CDH12: variants seen among roughly 807,000 people sequenced by gnomAD.
CDH12 encodes the protein cadherin 12.
In CDH12, 41 loss-of-function variants were observed where a neutral mutation model predicts 74.1. The ratio of observed to expected loss-of-function variants is 0.55; its 90% confidence interval spans 0.43 to 0.72. The LOEUF (loss-of-function observed/expected upper bound fraction) is 0.72, where lower values mean the gene tolerates loss of function less well. Among genes scored for constraint, CDH12 ranks in the 30% least tolerant of loss-of-function variants. CDH12 has a pLI of 0.00. For synonymous variants in CDH12, 399 were observed against 355.0 expected, an observed-to-expected ratio of 1.12 and a Z score of -1.39; for missense variants, 945 against 977.2, an observed-to-expected ratio of 0.97 and a Z score of 0.44.
chr5:21,858,597 T>C (rs578032474), intron 6 of CDH12, among the ~76,000 whole-genome samples: 1 of 152,060 alleles, frequency 6.6e-6, no homozygotes, highest in East Asian at 1.9e-4. Context: ...TTTAATAGTT[T>C]GTAATTACTC....
chr5:22,255,079 C>G lies in CDH12; in HGVS notation c.-332-42436G>C, dbSNP rs545405053. Among the ~76,000 whole-genome samples the G allele has an allele frequency of 2.0e-5, 3 of 151,980 alleles. No individual in the cohort carries two copies. The South Asian group carries it at 6.2e-4, about 31-fold the overall frequency. On this transcript the variant is annotated intron_variant, in intron 3 of 14. Transcript: ENST00000382254. The stretch of plus-strand genomic sequence containing the variant: ...AGCCTCAGGTAACCATCATTCTACT[C>G]TGCATCTTCATGAGTTCAATTTTTT...
At chr5:22,033,851 A>C (rs1738995146) in intron 5 of CDH12, among the ~76,000 whole-genome samples, 1 of 151,978 alleles carries the variant, frequency 6.6e-6, no homozygotes, top group Admixed American at 6.6e-5. Context: ...AGAGCCCTGT[A>C]CTCTCCCTCT....
At chr5:22,781,068 C>T (rs1747362817) in intron 1 of CDH12, among the ~76,000 whole-genome samples, 1 of 152,132 alleles carries the variant, frequency 6.6e-6, no homozygotes, top group African/African-American at 2.4e-5. Context: ...TGTGCATGAT[C>T]AGGATAAGTC....
chr5:21,952,440 C>T lies in CDH12; in HGVS notation c.526+22651G>A, dbSNP rs575119236. 2.0e-5 allele frequency among the ~76,000 whole-genome samples: 3 copies of T among 152,236 alleles called. No homozygotes were observed. The East Asian group carries it at 5.8e-4, about 29-fold the overall frequency. ...ACTAGGATATTCACAGGGTAAAAGT[C>T]AGGAGGATCATAACAGCACAGTACT... On this transcript the variant is annotated intron_variant, in intron 6 of 14. Transcript: ENST00000382254.
chr5:22,265,375 A>C (rs1227373316), intron 3 of CDH12, among the ~76,000 whole-genome samples: 3 of 152,184 alleles, frequency 2.0e-5, no homozygotes, highest in Admixed American at 2.0e-4. Context: ...CAGTCAGCTA[A>C]GGTACAATTT....
chr5:22,605,072 A>AAC (rs5866579), intron 1 of CDH12, among the ~76,000 whole-genome samples: 74,356 of 151,758 alleles, frequency 0.49, 18,502 homozygotes, highest in Admixed American at 0.58. Flanking sequence ...TCTTTCAGTA[A>AAC]AGACTACCCT....
intron 2 of CDH12, among the ~76,000 whole-genome samples, chr5:22,483,712 G>C (rs1746469839): frequency 1.3e-5 from 1 of 75,806 alleles, no homozygotes; most frequent in Non-Finnish European, 2.7e-5. Context: ...ATAAGACCAG[G>C]TTGGGCAACA....
intron 1 of CDH12, among the ~76,000 whole-genome samples, chr5:22,546,848 A>AT (rs1208164505): frequency 6.6e-6 from 1 of 152,138 alleles, no homozygotes; most frequent in Non-Finnish European, 1.5e-5. Context: ...ACGCCTACAT[A>AT]TTTTTCAGTA....
At chr5:22,399,213 T>G (rs1453100855) in intron 3 of CDH12, among the ~76,000 whole-genome samples, 1 of 151,892 alleles carries the variant, frequency 6.6e-6, no homozygotes, top group African/African-American at 2.4e-5. Context: ...TATCTATCTA[T>G]CTATCTATCT....
intron 6 of CDH12, among the ~76,000 whole-genome samples, chr5:21,932,094 A>T (rs952447659): frequency 2.0e-5 from 3 of 152,200 alleles, no homozygotes; most frequent in Non-Finnish European, 4.4e-5. Flanking sequence ...AGGATACTCT[A>T]CACAAATGAA....
At chr5:22,577,422 A>C (rs754678657) in intron 1 of CDH12, among the ~76,000 whole-genome samples, 1 of 152,210 alleles carries the variant, frequency 6.6e-6, no homozygotes, top group Admixed American at 6.5e-5. Flanking sequence ...TCCAGATATT[A>C]CATAGTGGTG....
intron 1 of CDH12, among the ~76,000 whole-genome samples, chr5:22,676,620 T>C (rs1040404746): frequency 2.4e-4 from 36 of 152,212 alleles, no homozygotes; most frequent in African/African-American, 7.7e-4. Flanking sequence ...TGTCAAGTAT[T>C]CTTGTAAGTA....
intron 4 of CDH12, among the ~76,000 whole-genome samples, chr5:22,163,437 C>A (rs183213663): frequency 1.7e-3 from 262 of 152,290 alleles, no homozygotes; most frequent in Middle Eastern, 6.8e-3. Context: ...ATGCACAAAA[C>A]TGCACCTTCA....
intron 9 of CDH12, among the ~76,000 whole-genome samples, chr5:21,804,201 A>T (rs1344469742): frequency 6.6e-6 from 1 of 152,036 alleles, no homozygotes; most frequent in Non-Finnish European, 1.5e-5. Flanking sequence ...AGAAATTTTG[A>T]TTTCTCTTAA....
At chr5:22,613,728 T>A (rs1737537363) in intron 1 of CDH12, among the ~76,000 whole-genome samples, 1 of 152,046 alleles carries the variant, frequency 6.6e-6, no homozygotes, top group African/African-American at 2.4e-5. Flanking sequence ...AGAGAGTGAA[T>A]GCAGTGCTGA....
At position 22,439,062 on chromosome 5, in the gene CDH12, T is replaced by C. The variant is rs936507837; in HGVS notation, c.-427-33711A>G. Reference sequence around the variant, plus strand: ...TTGTGTCTATAAAGCACAATGTAAATTGAGGATCAGGTTAATTTGATCATC... The same window carrying C: ...TTGTGTCTATAAAGCACAATGTAAACTGAGGATCAGGTTAATTTGATCATC... On this transcript the variant is annotated intron_variant, in intron 2 of 14. Transcript: ENST00000382254. Among the ~76,000 whole-genome samples the C allele has an allele frequency of 6.6e-5, 10 of 151,922 alleles. No homozygotes were observed. In the East Asian group the frequency reaches 1.7e-3, roughly 26 times the overall value.
intron 6 of CDH12, among the ~76,000 whole-genome samples, chr5:21,860,303 T>C (rs1024642271): frequency 5.3e-5 from 8 of 152,068 alleles, no homozygotes; most frequent in Non-Finnish European, 2.9e-5. Context: ...GCATTTAGGT[T>C]AAGGATTAGT....
At chr5:22,175,078 A>T (rs2150332192) in intron 4 of CDH12, among the ~76,000 whole-genome samples, 1 of 152,156 alleles carries the variant, frequency 6.6e-6, no homozygotes, top group Admixed American at 6.6e-5. Flanking sequence ...ATGCCTAATT[A>T]TTTAGCACAT....
intron 4 of CDH12, among the ~76,000 whole-genome samples, chr5:22,107,133 CTTT>C (rs562097009): frequency 2.9e-5 from 4 of 138,918 alleles, no homozygotes; most frequent in Admixed American, 1.5e-4. Flanking sequence ...CACATTTCTA[CTTT>C]TTTTTTTTTT....
Sources: gnomAD v4.1 joint callset for allele counts (sites outside exome capture counted in the v4.1 genomes callset) on GRCh38, gnomAD v4.1.1 for gene constraint, MANE v1.5 for transcripts, NCBI Gene and HGNC (gene_info 2026-07-23, HGNC 2026-07-21) for gene names.